MTTP: variants seen among roughly 807,000 people sequenced by gnomAD.
The protein encoded by MTTP is microsomal triglyceride transfer protein.
Under a neutral mutation model 90.6 loss-of-function variants are expected in MTTP, and 49 were observed. The ratio of observed to expected loss-of-function variants is 0.54; its 90% CI spans 0.43 to 0.69. The LOEUF (loss-of-function observed/expected upper bound fraction) is 0.69. MTTP is among the 30% of genes least tolerant of loss of function. The probability of loss-of-function intolerance (pLI) is 0.00; values close to 1 mark genes in which losing one functional copy is unlikely to be tolerated. For synonymous variants in MTTP, 347 were observed against 384.2 expected, an observed-to-expected ratio of 0.90 and a Z score of 1.13; for missense variants, 945 against 1,067.5, an observed-to-expected ratio of 0.89 and a Z score of 1.60.
At chr4:99,605,431 T>C (rs932354725) in intron 10 of MTTP, among the ~76,000 whole-genome samples, 1 of 152,204 alleles carries the variant, frequency 6.6e-6, no homozygotes, top group African/African-American at 2.4e-5. Flanking sequence ...GACAACTGCC[T>C]AGTACTCCAT....
intron 9 of MTTP, among the ~76,000 whole-genome samples, chr4:99,601,321 CT>C (rs34811849): frequency 0.13 from 16,710 of 127,974 alleles, 1,099 homozygotes; most frequent in African/African-American, 0.29. Flanking sequence ...CTCACCCCTC[CT>C]TTTTTTTTTT....
chr4:99,573,085 A>G (rs1418944011), upstream of MTTP, among the ~76,000 whole-genome samples: 1 of 152,104 alleles, frequency 6.6e-6, no homozygotes. Context: ...AACACTTGAC[A>G]ACGAATAGTA....
Position 99,613,046 on chromosome 4 carries a change from A to G in MTTP, c.2123A>G (p.Asn708Ser), listed in dbSNP as rs377727754. 3 of 1,614,002 alleles carry G rather than the reference A, an allele frequency of 1.9e-6. No homozygotes were observed. Among genetic ancestry groups the G allele is most frequent in the Non-Finnish European group, 1.7e-6 (2 of 1,179,960 alleles). Residue 708 changes from asparagine (N) to serine (S), a missense_variant, in exon 15 of 18, where the codon AAC (asparagine) becomes AGC (serine). Asn to Ser is a conservative substitution (Grantham distance 46). Coordinates refer to ENST00000265517, the MANE Select transcript of MTTP (RefSeq NM_001386140.1). ...CAGCTCAGACCTGTCACCTTTTTCAACGGATACAGTGATTTGATGTCCAAA... is the reference window on the plus strand; with the variant it reads ...CAGCTCAGACCTGTCACCTTTTTCAGCGGATACAGTGATTTGATGTCCAAA... ...DVQLRPVTFFNGYSDLMSKML... is the reference protein window; with the variant it reads ...DVQLRPVTFFSGYSDLMSKML...
At chr4:99,603,935 A>G (rs1725755279) in intron 10 of MTTP, among the ~76,000 whole-genome samples, 1 of 152,200 alleles carries the variant, frequency 6.6e-6, no homozygotes, top group Admixed American at 6.5e-5. Flanking sequence ...CACATCTTTA[A>G]AATTACCTTG....
intron 3 of MTTP, chr4:99,583,950 C>T (rs1283959109): frequency 4.7e-6 from 1 of 213,038 alleles, no homozygotes; most frequent in South Asian, 9.9e-5. Flanking sequence ...TTATCGATAT[C>T]TGGCTAAAGT....
intron 16 of MTTP, 106 bp from the exon 17 acceptor site, chr4:99,620,955 C>A: frequency 9.3e-7 from 1 of 1,078,070 alleles, no homozygotes; most frequent in Non-Finnish European, 1.4e-6. Flanking sequence ...GTGTTTCCTT[C>A]CAGTCACTGG....
chr4:99,605,855 C>A (rs1026541146), intron 10 of MTTP, among the ~76,000 whole-genome samples: 2 of 112,718 alleles, frequency 1.8e-5, no homozygotes, highest in African/African-American at 4.7e-5. Flanking sequence ...CATCCATTCT[C>A]CCCAACCCCA....
At chr4:99,620,388 T>C (rs984381019) in intron 16 of MTTP, among the ~76,000 whole-genome samples, 1 of 152,218 alleles carries the variant, frequency 6.6e-6, no homozygotes, top group South Asian at 2.1e-4. Context: ...GTTGAAATTA[T>C]TTATCCTCTT....
Position 99,608,947 on chromosome 4 carries a change from A to C in MTTP, c.1739A>C (p.Gln580Pro), listed in dbSNP as rs759774267. 6.2e-7 allele frequency: 1 copy of C among 1,614,170 alleles called. No homozygotes were observed. The highest frequency in any genetic ancestry group is 8.5e-7 in the Non-Finnish European group (1 of 1,180,012). ...AATAAATACATGCTCGCCATTGTTC[A>C]AGACATCCTACGTTTTGAAATGCCT... ...EMNKYMLAIV[Q>P]DILRFEMPAS... Residue 580 changes from glutamine to proline, a missense_variant, in exon 12 of 18, where the codon CAA (glutamine) becomes CCA (proline). Physicochemically the swap from Gln to Pro is moderately conservative, Grantham distance 76 (BLOSUM62 -1). Transcript: ENST00000265517.
chr4:99,575,748 G>GT (rs1274209397), intron 1 of MTTP, among the ~76,000 whole-genome samples: 2 of 152,126 alleles, frequency 1.3e-5, no homozygotes, highest in African/African-American at 4.8e-5. Context: ...ATAAACATCG[G>GT]TTTTCCAAAT....
At chr4:99,592,474 A>T (rs566665602) in intron 6 of MTTP, among the ~76,000 whole-genome samples, 1 of 152,074 alleles carries the variant, frequency 6.6e-6, no homozygotes, top group East Asian at 1.9e-4. Flanking sequence ...TGTACAAAAA[A>T]TATTTTTTCT....
intron 3 of MTTP, among the ~76,000 whole-genome samples, chr4:99,589,278 T>G (rs1413109253): frequency 6.6e-6 from 1 of 151,544 alleles, no homozygotes; most frequent in Non-Finnish European, 1.5e-5. Context: ...CCTTAGTTAT[T>G]TTTTGTTTCA....
At chr4:99,617,753 A>G (rs1466026930) in intron 15 of MTTP, among the ~76,000 whole-genome samples, 3 of 152,240 alleles carry the variant, frequency 2.0e-5, no homozygotes, top group Non-Finnish European at 4.4e-5. Context: ...AAATGCAGGC[A>G]AACAGCACAA....
Position 99,587,716 on chromosome 4 carries a change from A to G in MTTP, c.394-1927A>G, listed in dbSNP as rs145544661. ...TACCAAAAAGACATGGGCCATATAG[A>G]CATGTGTGCATTGCCACTGAGTGAA... On this transcript the variant is annotated intron_variant, in intron 3 of 17. Transcript: ENST00000265517. Among the ~76,000 whole-genome samples the G allele has an allele frequency of 5.9e-3, 892 of 152,276 alleles. 7 individuals carry two copies. The highest frequency in any genetic ancestry group is 0.019 in the African/African-American group (791 of 41,564).
upstream of MTTP, among the ~76,000 whole-genome samples, chr4:99,572,283 T>A (rs757052030): frequency 6.6e-6 from 1 of 152,022 alleles, no homozygotes; most frequent in African/African-American, 2.4e-5. Context: ...AGATCAGTTT[T>A]ACCCCTGTAT....
At chr4:99,564,301 G>C in intron 1 of MTTP, 2 of 1,457,494 alleles carry the variant, frequency 1.4e-6, no homozygotes, top group Non-Finnish European at 1.8e-6. Context: ...ACGAAGAAAG[G>C]CTCCTAATTT....
chr4:99,571,106 C>A (rs1016190953), upstream of MTTP, among the ~76,000 whole-genome samples: 1 of 151,888 alleles, frequency 6.6e-6, no homozygotes, highest in Non-Finnish European at 1.5e-5. Context: ...TGCCTTTGCA[C>A]CACTCACTCT....
intron 11 of MTTP, among the ~76,000 whole-genome samples, chr4:99,608,544 CACCAGCTCTT>C (rs1475584572): frequency 6.6e-6 from 1 of 152,202 alleles, no homozygotes; most frequent in African/African-American, 2.4e-5. Flanking sequence ...TGGAGAAAGC[CACCAGCTCTT>C]AACGGCCTCA....
intron 15 of MTTP, among the ~76,000 whole-genome samples, chr4:99,616,521 A>C (rs1726103409): frequency 6.6e-6 from 1 of 152,104 alleles, no homozygotes; most frequent in Non-Finnish European, 1.5e-5. Context: ...CCTACCATGG[A>C]ATATTGGTAT....
Sources: allele counts gnomAD v4.1 joint callset (sites outside exome capture counted in the v4.1 genomes callset), GRCh38; gene constraint gnomAD v4.1.1; transcripts MANE v1.5; gene names NCBI Gene and HGNC (gene_info 2026-07-23, HGNC 2026-07-21).